Variants in CAPN2 observed in about 807,000 individuals in gnomAD.
CAPN2 encodes calpain-2 catalytic subunit.
CAPN2 carries 92 observed loss-of-function variants against 102.3 expected under a neutral mutation model. The ratio of observed to expected loss-of-function variants is 0.90; its 90% CI spans 0.76 to 1.07. CAPN2 has a LOEUF of 1.07. Among genes scored for constraint, CAPN2 ranks in the 50% least tolerant of loss-of-function variants. The pLI is 0.00. For missense variants in CAPN2, 800 were observed against 909.4 expected, an observed-to-expected ratio of 0.88 and a Z score of 1.55; for synonymous variants, 340 against 355.4, an observed-to-expected ratio of 0.96 and a Z score of 0.49.
At chr1:223,740,858 C>T (rs371969588) in intron 2 of CAPN2, among the ~76,000 whole-genome samples, 3 of 152,270 alleles carry the variant, frequency 2.0e-5, no homozygotes, top group Admixed American at 1.3e-4. Flanking sequence ...TGTCCAATTT[C>T]GAATTCAATT....
intron 9 of CAPN2, among the ~76,000 whole-genome samples, chr1:223,753,227 A>T (rs1174862446): frequency 6.6e-6 from 1 of 151,862 alleles, no homozygotes; most frequent in Non-Finnish European, 1.5e-5. Flanking sequence ...CAGGCCCTAG[A>T]TTCCCCAGCG....
intron 2 of CAPN2, among the ~76,000 whole-genome samples, chr1:223,729,545 A>G (rs1660278357): frequency 1.3e-5 from 2 of 152,218 alleles, no homozygotes; most frequent in South Asian, 2.1e-4. Context: ...GGTTTTATAC[A>G]TTTTAGGAGG....
At chr1:223,728,234 G>A (rs961289434) in intron 2 of CAPN2, among the ~76,000 whole-genome samples, 2 of 152,084 alleles carry the variant, frequency 1.3e-5, no homozygotes, top group African/African-American at 4.8e-5. Flanking sequence ...ACTCTCTCCC[G>A]CTCTCTCAAG....
intron 12 of CAPN2, among the ~76,000 whole-genome samples, chr1:223,761,362 A>G (rs1029433317): frequency 1.3e-5 from 2 of 152,142 alleles, no homozygotes; most frequent in Admixed American, 1.3e-4. Flanking sequence ...AATGCAGAGA[A>G]ATGTTATCAC....
At chr1:223,746,927 G>A in intron 4 of CAPN2, 70 bp from the exon 5 acceptor site, 3 of 1,386,590 alleles carry the variant, frequency 2.2e-6, no homozygotes, top group Non-Finnish European at 3.0e-6. Flanking sequence ...GGTACTAGGG[G>A]GTGGCTGTTT....
intron 6 of CAPN2, chr1:223,749,344 C>T: frequency 1.7e-6 from 1 of 592,438 alleles, no homozygotes; most frequent in South Asian, 2.0e-5. Context: ...TGGCCGGCGC[C>T]AGGGGCCCTG....
rs2102805403 is a variant in CAPN2, at chr1:223,754,815, G to A, written c.1136-665G>A. 6.6e-6 allele frequency among the ~76,000 whole-genome samples: 1 copy of A among 152,276 alleles called. No homozygotes were observed. The highest frequency in any genetic ancestry group is 6.5e-5 in the Admixed American group (1 of 15,304). On this transcript the variant is annotated intron_variant, in intron 9 of 20. Coordinates refer to ENST00000295006, the MANE Select transcript of CAPN2 (RefSeq NM_001748.5). The surrounding 1 kb of genome is among the most constrained non-coding windows in gnomAD (Gnocchi z 4.7). ...TCTTGGCCTCCGGGCTCACCGAGGG[G>A]GCGGCGACCGGCAAGTGCAGGGAGC...
At chr1:223,724,993 A>G (rs1660151127) in intron 2 of CAPN2, among the ~76,000 whole-genome samples, 1 of 152,162 alleles carries the variant, frequency 6.6e-6, no homozygotes, top group Non-Finnish European at 1.5e-5. Flanking sequence ...AGCTAAACCT[A>G]CATCAATAAA....
rs28370102 is a variant in CAPN2 at position 223,757,346 on chromosome 1, A to C, written c.1306-23A>C. Reference sequence around the variant, plus strand: ...CTTACACTGCTTTTCCGGCATCTGAATTGCATCTCCTTTATTTTGCAGGTT... The same window carrying C: ...CTTACACTGCTTTTCCGGCATCTGACTTGCATCTCCTTTATTTTGCAGGTT... On this transcript the variant is annotated intron_variant, in intron 10 of 20. Transcript: ENST00000295006. 373 of 1,614,134 alleles carry C rather than the reference A, an allele frequency of 2.3e-4. 2 individuals carry two copies. In the South Asian group the frequency reaches 4.0e-3, roughly 17 times the overall value.
At chr1:223,746,531 T>G (rs921524973) in intron 4 of CAPN2, among the ~76,000 whole-genome samples, 2 of 139,190 alleles carry the variant, frequency 1.4e-5, no homozygotes, top group Non-Finnish European at 3.0e-5. Flanking sequence ...CAGGCTGGAG[T>G]GAGCGGCATG....
chr1:223,714,146 G>A (rs1659812300), intron 1 of CAPN2, among the ~76,000 whole-genome samples: 1 of 152,046 alleles, frequency 6.6e-6, no homozygotes, highest in South Asian at 2.1e-4. Context: ...TCCCCACCTT[G>A]TTTTTCTCTG....
In CAPN2 at chr1:223,725,214, A is replaced by G. The variant is rs1372961199; in HGVS notation, c.307+7383A>G. Among the ~76,000 whole-genome samples the G allele has an allele frequency of 1.3e-5, 2 of 152,072 alleles. No individual in the cohort carries two copies. The highest frequency in any genetic ancestry group is 1.9e-4 in the East Asian group (1 of 5,174). On this transcript the variant is annotated intron_variant, in intron 2 of 20. Coordinates refer to ENST00000295006, the MANE Select transcript of CAPN2 (RefSeq NM_001748.5). This position sits in a 1 kb window ranked among gnomAD's most constrained non-coding sequence, Gnocchi z 4.1. ...GGTGAAAACCCATCTCTACAAAACT[A>G]CAATATGAAATACAAACAATTAGCC...
intron 6 of CAPN2, 27 bp from the exon 7 acceptor site, chr1:223,750,863 A>C (rs1153968): frequency 0.38 from 583,831 of 1,546,502 alleles, 118,132 homozygotes; most frequent in African/African-American, 0.79. Context: ...TCAACCTCTT[A>C]CTCCTCCCTT....
At chr1:223,743,473 A>T (rs1660675703) in intron 2 of CAPN2, among the ~76,000 whole-genome samples, 2 of 151,784 alleles carry the variant, frequency 1.3e-5, no homozygotes, top group African/African-American at 4.8e-5. Flanking sequence ...CTCTCACTCA[A>T]ACTCCCCTTT....
At position 223,712,888 on chromosome 1, in the gene CAPN2, C is replaced by G. The variant is rs1255205759; in HGVS notation, c.237+11C>G. On this transcript the variant is annotated intron_variant, in intron 1 of 20. Coordinates refer to ENST00000295006, the MANE Select transcript of CAPN2 (RefSeq NM_001748.5). ...TGGAAGCGCCCCACGGTAGGAAGCG[C>G]GCGGCAGGACGCGGGCAGGGCGGGG... 2 of 1,501,324 alleles carry G rather than the reference C, an allele frequency of 1.3e-6. No homozygotes were observed. Among genetic ancestry groups the G allele is most frequent in the Admixed American group, 2.2e-5 (1 of 44,486 alleles). 93.0% of individuals were successfully genotyped at this position (1,501,324 alleles called of 1,614,324 possible).
In CAPN2 at chr1:223,756,103, A is replaced by G. The variant is rs1360029424; in HGVS notation, c.1305+454A>G. Among the ~76,000 whole-genome samples, 1 of 152,216 alleles carries G rather than the reference A, an allele frequency of 6.6e-6. No individual in the cohort carries two copies. The highest frequency in any genetic ancestry group is 2.4e-5 in the African/African-American group (1 of 41,458). ...GCTTGGGGACAGGGGAACATTGGTC[A>G]TGATGCTCCCCCCAGGGCTCTGATG... On this transcript the variant is annotated intron_variant, in intron 10 of 20. Transcript: ENST00000295006. The surrounding 1 kb of genome is among the most constrained non-coding windows in gnomAD (Gnocchi z 4.1).
At chr1:223,770,233 G>A in intron 17 of CAPN2, 3 of 593,586 alleles carry the variant, frequency 5.1e-6, no homozygotes, top group South Asian at 4.3e-5. Context: ...TATGGGCGTT[G>A]GCTGGCTGAT....
chr1:223,711,798 G>A (rs2102769918), upstream of CAPN2, among the ~76,000 whole-genome samples: 1 of 152,278 alleles, frequency 6.6e-6, no homozygotes, highest in South Asian at 2.1e-4. Context: ...ATTTCACCAT[G>A]TTGACCAGGC....
chr1:223,714,639 A>AAT (rs1305834799), intron 1 of CAPN2, among the ~76,000 whole-genome samples: 1 of 151,692 alleles, frequency 6.6e-6, no homozygotes, highest in Non-Finnish European at 1.5e-5. Flanking sequence ...AAAAAAAAAA[A>AAT]AGTGAAACAC....
Sources: allele counts gnomAD v4.1 joint callset (sites outside exome capture counted in the v4.1 genomes callset), GRCh38; gene constraint gnomAD v4.1.1; non-coding constraint Gnocchi (gnomAD v3.1); transcripts MANE v1.5; gene names NCBI Gene and HGNC (gene_info 2026-07-23, HGNC 2026-07-21).